SLC25A33: variants seen among roughly 807,000 people sequenced by gnomAD.
The protein encoded by SLC25A33 is solute carrier family 25 member 33.
Under a neutral mutation model 35.5 loss-of-function variants are expected in SLC25A33, and 15 were observed. The observed-to-expected ratio is 0.42, with a 90% CI of 0.28 to 0.65. SLC25A33 has a LOEUF of 0.65. Ranked by LOEUF, SLC25A33 falls within the 30% of genes least tolerant of loss-of-function variation. The pLI is 0.20. For missense variants in SLC25A33, 257 were observed against 398.5 expected, an observed-to-expected ratio of 0.64 and a Z score of 3.02; for synonymous variants, 136 against 148.7, an observed-to-expected ratio of 0.91 and a Z score of 0.62.
Position 9,582,726 on chromosome 1 carries a change from AG to A in SLC25A33, c.*228del. ...CTTTTTTTTTAACTTAAGAGGATTC[AG>A]GGTTAAGCACCAACTAAATTAAATC... On this transcript the variant is annotated 3_prime_UTR_variant, in exon 7 of 7. Transcript: ENST00000302692. The surrounding 1 kb of genome is among the most constrained non-coding windows in gnomAD (Gnocchi z 4.0). The A allele has an allele frequency of 1.9e-6, 1 of 532,824 alleles. No homozygotes were observed. The highest frequency in any genetic ancestry group is 1.9e-5 in the African/African-American group (1 of 52,538). 33.0% of individuals were successfully genotyped at this position (532,824 alleles called of 1,614,324 possible). A position where few individuals can be genotyped will look rare whatever the true frequency, so the allele number is the denominator to read the frequency against.
chr1:9,561,089 C>T (rs985698238), intron 2 of SLC25A33, among the ~76,000 whole-genome samples: 8 of 151,910 alleles, frequency 5.3e-5, no homozygotes, highest in Non-Finnish European at 7.4e-5. Context: ...AGCTGGGACC[C>T]GTCACCACGC....
intron 2 of SLC25A33, among the ~76,000 whole-genome samples, chr1:9,558,267 T>C (rs1643373972): frequency 6.6e-6 from 1 of 152,210 alleles, no homozygotes; most frequent in Non-Finnish European, 1.5e-5. Context: ...AGTTCCCAGC[T>C]CAGAGACTCC....
Position 9,578,833 on chromosome 1 carries a change from C to G in SLC25A33, c.483-1121C>G, listed in dbSNP as rs1186791415. 6.6e-6 allele frequency among the ~76,000 whole-genome samples: 1 copy of G among 152,220 alleles called. No homozygotes were observed. The highest frequency in any genetic ancestry group is 2.4e-5 in the African/African-American group (1 of 41,464). ...TCCACTGAAAGCATTCCCTGTGTCT[C>G]ACGGCCTTGTGACTTAATCTAGCAG... On this transcript the variant is annotated intron_variant, in intron 5 of 6. Coordinates refer to ENST00000302692, the MANE Select transcript of SLC25A33 (RefSeq NM_032315.3). This position sits in a 1 kb window ranked among gnomAD's most constrained non-coding sequence, Gnocchi z 4.3.
At chr1:9,549,485 G>A (rs1208706833) in intron 1 of SLC25A33, among the ~76,000 whole-genome samples, 1 of 139,230 alleles carries the variant, frequency 7.2e-6, no homozygotes, top group African/African-American at 2.6e-5. Flanking sequence ...TGGCGGGGAG[G>A]AACTGATGGT....
At chr1:9,581,998 AT>A (rs1643752373) in intron 6 of SLC25A33, among the ~76,000 whole-genome samples, 2 of 152,070 alleles carry the variant, frequency 1.3e-5, no homozygotes, top group African/African-American at 4.8e-5. Context: ...ATCCCGACTC[AT>A]TGCGACCTTC....
rs543577246 is a variant in SLC25A33 at position 9,547,794 on chromosome 1, C to T, written c.57-5832C>T. On this transcript the variant is annotated intron_variant, in intron 1 of 6. Transcript: ENST00000302692. ...GAGAACTACTGGTTTAGAATAGTGG[C>T]CTTCAAACTTTTTTTTTTTTTTAAG... Among the ~76,000 whole-genome samples the T allele has an allele frequency of 2.0e-5, 3 of 151,954 alleles. No homozygotes were observed. In the East Asian group the frequency reaches 5.8e-4, roughly 29 times the overall value.
intron 1 of SLC25A33, among the ~76,000 whole-genome samples, chr1:9,548,647 C>A (rs1052919746): frequency 2.0e-5 from 3 of 152,190 alleles, no homozygotes; most frequent in Admixed American, 2.0e-4. Flanking sequence ...AATGTTATTT[C>A]TTTCTGTATG....
At chr1:9,572,377 C>T (rs569226635) in intron 4 of SLC25A33, among the ~76,000 whole-genome samples, 2 of 151,956 alleles carry the variant, frequency 1.3e-5, no homozygotes, top group South Asian at 2.1e-4. Context: ...TTTGGGAGGC[C>T]GAGGCGAGCG....
intron 3 of SLC25A33, among the ~76,000 whole-genome samples, chr1:9,568,782 C>T (rs1002838332): frequency 3.3e-5 from 5 of 151,324 alleles, no homozygotes; most frequent in Non-Finnish European, 7.4e-5. Flanking sequence ...ACCCGGGAGG[C>T]GGAGCTTGCA....
chr1:9,579,878 G>A, intron 5 of SLC25A33, 76 bp from the exon 6 acceptor site: 2 of 1,498,484 alleles, frequency 1.3e-6, no homozygotes, highest in Non-Finnish European at 1.8e-6. Flanking sequence ...ACCCGTACCT[G>A]TTCTCCTACT....
chr1:9,561,488 G>T (rs928008366), intron 2 of SLC25A33, among the ~76,000 whole-genome samples: 4 of 151,996 alleles, frequency 2.6e-5, no homozygotes, highest in African/African-American at 9.7e-5. Context: ...ATCCTTCTGG[G>T]CTTGATTTTG....
intron 1 of SLC25A33, among the ~76,000 whole-genome samples, chr1:9,543,119 G>A (rs536070829): frequency 4.4e-4 from 67 of 151,396 alleles, no homozygotes; most frequent in African/African-American, 1.5e-3. Context: ...CACGCCCTGC[G>A]TGAAAAAGTA....
At chr1:9,563,156 C>A (rs1643451069) in intron 2 of SLC25A33, among the ~76,000 whole-genome samples, 1 of 152,040 alleles carries the variant, frequency 6.6e-6, no homozygotes, top group Non-Finnish European at 1.5e-5. Flanking sequence ...GATCTCCTGA[C>A]CTCGTGATCC....
chr1:9,550,473 C>T (rs909254657), intron 1 of SLC25A33, among the ~76,000 whole-genome samples: 1 of 151,928 alleles, frequency 6.6e-6, no homozygotes, highest in African/African-American at 2.4e-5. Flanking sequence ...AGCTCTTTTT[C>T]AATGATTTGG....
intron 1 of SLC25A33, among the ~76,000 whole-genome samples, chr1:9,552,375 C>G (rs527309141): frequency 2.0e-5 from 3 of 152,164 alleles, no homozygotes; most frequent in African/African-American, 4.8e-5. Context: ...CAGGCATGTG[C>G]CACTACACCT....
intron 1 of SLC25A33, among the ~76,000 whole-genome samples, chr1:9,549,714 A>G (rs1480929432): frequency 6.8e-6 from 1 of 147,580 alleles, no homozygotes; most frequent in African/African-American, 2.5e-5. Context: ...TCCGCCTCCC[A>G]GATTCAAGGG....
At chr1:9,552,558 G>A (rs1643281112) in intron 1 of SLC25A33, among the ~76,000 whole-genome samples, 1 of 152,102 alleles carries the variant, frequency 6.6e-6, no homozygotes, top group African/African-American at 2.4e-5. Flanking sequence ...ATTTTAAGAA[G>A]GGTCTGTATT....
chr1:9,540,874 C>T (rs1367653469), intron 1 of SLC25A33, among the ~76,000 whole-genome samples: 1 of 152,170 alleles, frequency 6.6e-6, no homozygotes, highest in Non-Finnish European at 1.5e-5. Flanking sequence ...CACCAGGTTA[C>T]TTTAACCAAA....
chr1:9,552,341 C>T (rs903870285), intron 1 of SLC25A33, among the ~76,000 whole-genome samples: 1 of 152,040 alleles, frequency 6.6e-6, no homozygotes, highest in Admixed American at 6.6e-5. Context: ...TCAGCCTCCC[C>T]AGTAGCTGGA....
Sources: gnomAD v4.1 joint callset for allele counts (sites outside exome capture counted in the v4.1 genomes callset) on GRCh38, gnomAD v4.1.1 for gene constraint, Gnocchi (gnomAD v3.1) non-coding constraint, MANE v1.5 for transcripts, NCBI Gene and HGNC (gene_info 2026-07-23, HGNC 2026-07-21) for gene names.